Variants in PLPBP observed in about 807,000 individuals in gnomAD.
PLPBP encodes the protein pyridoxal phosphate homeostasis protein.
A neutral mutation model predicts 31.2 loss-of-function variants in PLPBP; 21 were observed. The observed-to-expected ratio is 0.67, with a 90% CI of 0.48 to 0.97. The LOEUF is 0.97. PLPBP is among the 50% of genes least tolerant of loss of function. The probability of loss-of-function intolerance (pLI) is 0.00; values close to 1 mark genes in which losing one functional copy is unlikely to be tolerated. For missense variants in PLPBP, 308 were observed against 354.4 expected, an observed-to-expected ratio of 0.87 and a Z score of 1.05; for synonymous variants, 124 against 135.6, an observed-to-expected ratio of 0.91 and a Z score of 0.59.
chr8:37,765,836 C>A (rs1803613022), intron 3 of PLPBP, 90 bp downstream of exon 3: 1 of 1,418,936 alleles, frequency 7.0e-7, no homozygotes, highest in Non-Finnish European at 9.7e-7. Context: ...AGTTGTACAG[C>A]AGTTTTAGGG....
intron 5 of PLPBP, 134 bp from the exon 6 acceptor site, chr8:37,775,205 T>A (rs1294372685): frequency 5.0e-6 from 5 of 994,596 alleles, no homozygotes; most frequent in Non-Finnish European, 7.4e-6. Context: ...AGTTACTCTT[T>A]AGGACTTGAG....
chr8:37,774,683 T>G (rs901859168), intron 5 of PLPBP, among the ~76,000 whole-genome samples: 2 of 152,234 alleles, frequency 1.3e-5, no homozygotes, highest in African/African-American at 4.8e-5. Flanking sequence ...AATAGAAATC[T>G]GAAATCAACT....
upstream of PLPBP, chr8:37,762,628 G>T: frequency 6.4e-7 from 1 of 1,550,412 alleles, no homozygotes; most frequent in East Asian, 2.4e-5. Flanking sequence ...CGGGCTGCCG[G>T]GGGCCTGGGG....
At chr8:37,769,195 G>T (rs1303793702) in intron 4 of PLPBP, among the ~76,000 whole-genome samples, 1 of 152,028 alleles carries the variant, frequency 6.6e-6, no homozygotes, top group Non-Finnish European at 1.5e-5. Flanking sequence ...AATTAGCTGG[G>T]CGTAGTGGTG....
intron 4 of PLPBP, among the ~76,000 whole-genome samples, chr8:37,772,045 C>T (rs772318207): frequency 4.6e-5 from 7 of 152,182 alleles, no homozygotes; most frequent in African/African-American, 7.2e-5. Context: ...GCAAACTGCC[C>T]ATCTGAAATA....
In PLPBP at chr8:37,765,560, T is replaced by A. The variant is rs778950580; in HGVS notation, c.134T>A (p.Val45Asp). ...GCCATCCAGCCCCGGCTAGTGGCGG[T>A]CAGCAAAACCAAACCTGCAGACATG... ...LPAIQPRLVA[V>D]SKTKPADMVI... Residue 45 changes from valine (V) to aspartate (D), a missense_variant, in exon 2 of 8, where the codon GTC becomes GAC. Val to Asp is a radical substitution (Grantham distance 152). Coordinates refer to ENST00000328195, the MANE Select transcript of PLPBP (RefSeq NM_007198.4). 1.9e-6 allele frequency: 3 copies of A among 1,613,814 alleles called. No homozygotes were observed. The East Asian group carries it at 6.7e-5, about 36-fold the overall frequency.
upstream of PLPBP, chr8:37,762,643 G>A: frequency 6.4e-7 from 1 of 1,562,344 alleles, no homozygotes; most frequent in Non-Finnish European, 8.6e-7. Context: ...CTGGGGCTCG[G>A]CGTCGGTCCC....
chr8:37,762,856 C>T (rs1803516416), intron 1 of PLPBP, 98 bp downstream of exon 1: 3 of 1,446,414 alleles, frequency 2.1e-6, no homozygotes, highest in Non-Finnish European at 9.2e-7. Flanking sequence ...AGGGGTCTCC[C>T]AGAGAGGCGG....
Position 37,772,747 on chromosome 8 carries a change from C to A in PLPBP, c.320-8C>A. 1 of 1,614,146 alleles carries A rather than the reference C, an allele frequency of 6.2e-7. No homozygotes were observed. The highest frequency in any genetic ancestry group is 1.1e-5 in the South Asian group (1 of 91,084). On this transcript the variant is annotated splice_polypyrimidine_tract_variant and splice_region_variant and intron_variant, in intron 4 of 7. Transcript: ENST00000328195. ...AAGGAATACTACTTTGCCTCTGTCT[C>A]ATTACAGCTGTCCCCAATCTCTTCA...
At chr8:37,768,460 A>ATTTTGTTTT (rs1803690161) in intron 4 of PLPBP, among the ~76,000 whole-genome samples, 1 of 101,142 alleles carries the variant, frequency 9.9e-6, no homozygotes, top group African/African-American at 3.7e-5. Flanking sequence ...TACAGTTTTG[A>ATTTTGTTTT]TTTTCTTTTT....
At chr8:37,762,886 G>A in intron 1 of PLPBP, 128 bp downstream of exon 1, 1 of 1,196,520 alleles carries the variant, frequency 8.4e-7, no homozygotes, top group South Asian at 1.5e-5. Context: ...GCCGCCTAGG[G>A]CCACCGAAAG....
Position 37,764,094 on chromosome 8 carries a change from GTTGTT to G in PLPBP, c.99+1358_99+1362del, listed in dbSNP as rs930157499. On this transcript the variant is annotated intron_variant, in intron 1 of 7. Transcript: ENST00000328195. ...TTCTTTTTTTTTTTTTTTTTGTTGT[GTTGTT>G]TTGTTTTGTTTTGTTTTGTTTGAGA... 9.3e-4 allele frequency among the ~76,000 whole-genome samples: 117 copies of G among 125,788 alleles called. No homozygotes were observed. In the East Asian group the frequency reaches 0.012, roughly 13 times the overall value. 82.5% of individuals were successfully genotyped at this position (125,788 alleles called of 152,430 possible).
At chr8:37,772,009 A>G (rs1327748819) in intron 4 of PLPBP, among the ~76,000 whole-genome samples, 1 of 152,264 alleles carries the variant, frequency 6.6e-6, no homozygotes, top group Non-Finnish European at 1.5e-5. Flanking sequence ...AAGTGAAGAG[A>G]CAACTCAGAA....
In PLPBP at chr8:37,778,058, G is replaced by A; in HGVS notation, c.782G>A (p.Cys261Tyr). The A allele has an allele frequency of 6.2e-7, 1 of 1,613,866 alleles. No individual in the cohort carries two copies. The highest frequency in any genetic ancestry group is 8.5e-7 in the Non-Finnish European group (1 of 1,179,796). ...DYSKKPTPDKCAADVKAPLEV... is the reference protein window; with the variant it reads ...DYSKKPTPDKYAADVKAPLEV... Reference sequence around the variant, plus strand: ...TCAAAGAAACCCACCCCGGACAAGTGCGCAGCAGACGTGAAGGCCCCGCTG... The same window carrying A: ...TCAAAGAAACCCACCCCGGACAAGTACGCAGCAGACGTGAAGGCCCCGCTG... The change falls in exon 8 of 8, where the codon TGC becomes TAC. Residue 261 changes from cysteine (C) to tyrosine (Y), a missense_variant. This residue lies in a region of PLPBP where 188 missense variants were observed against 259.3 expected (regional missense o/e 0.73). Coordinates refer to ENST00000328195, the MANE Select transcript of PLPBP (RefSeq NM_007198.4).
intron 4 of PLPBP, 40 bp downstream of exon 4, chr8:37,766,395 A>G (rs1285074420): frequency 6.4e-7 from 1 of 1,567,590 alleles, no homozygotes; most frequent in Non-Finnish European, 8.7e-7. Flanking sequence ...TTGTTCTGTC[A>G]TTGTATTGCT....
intron 4 of PLPBP, 154 bp downstream of exon 4, chr8:37,766,509 A>C (rs1371487232): frequency 1.5e-6 from 2 of 1,303,690 alleles, no homozygotes; most frequent in African/African-American, 3.1e-5. Context: ...ATAAAAAGAG[A>C]AAACATCATG....
In PLPBP at chr8:37,765,617, C is replaced by G; in HGVS notation, c.191C>G (p.Thr64Ser). Residue 64 changes from threonine (T) to serine (S), a missense_variant, in exon 2 of 8, where the codon ACT (threonine) becomes AGT (serine). By Grantham distance (58) the Thr-to-Ser change is moderately conservative. Around this residue, in one of 2 missense-constraint regions of PLPBP, gnomAD observed 120 missense variants for 95.1 expected, o/e 1.26. Coordinates refer to ENST00000328195, the MANE Select transcript of PLPBP (RefSeq NM_007198.4). ...VIEAYGHGQR[T>S]FGENYVQELL... ...GAGGCCTATGGACATGGGCAGCGCACTTTTGGCGAGAACTACGTAAGAGCC... is the reference window on the plus strand; with the variant it reads ...GAGGCCTATGGACATGGGCAGCGCAGTTTTGGCGAGAACTACGTAAGAGCC... 2.5e-6 allele frequency: 4 copies of G among 1,614,224 alleles called. No individual in the cohort carries two copies. Among genetic ancestry groups the G allele is most frequent in the East Asian group, 2.2e-5 (1 of 44,892 alleles).
intron 4 of PLPBP, among the ~76,000 whole-genome samples, chr8:37,769,116 C>T (rs909710424): frequency 6.6e-6 from 1 of 152,088 alleles, no homozygotes; most frequent in Non-Finnish European, 1.5e-5. Context: ...AGGTGGATCA[C>T]TTGAGCCCAA....
Position 37,762,673 on chromosome 8 carries a change from G to A in PLPBP, c.14G>A (p.Gly5Asp). 6.3e-7 allele frequency: 1 copy of A among 1,585,486 alleles called. No individual in the cohort carries two copies. Among genetic ancestry groups the A allele is most frequent in the Non-Finnish European group, 8.6e-7 (1 of 1,169,568 alleles). ...GGTCCCCGGGGGATGTGGAGAGCTG[G>A]CAGCATGTCGGCCGAGCTGGGAGTC... MWRAGSMSAELGVGC... is the reference protein window; with the variant it reads MWRADSMSAELGVGC... Residue 5 changes from glycine (G) to aspartate (D), a missense_variant, in exon 1 of 8, where the codon GGC becomes GAC. Physicochemically the swap from Gly to Asp is moderately conservative, Grantham distance 94. Around this residue, in one of 2 missense-constraint regions of PLPBP, gnomAD observed 120 missense variants for 95.1 expected, o/e 1.26. Coordinates refer to ENST00000328195, the MANE Select transcript of PLPBP (RefSeq NM_007198.4).
Sources: gnomAD v4.1 joint callset for allele counts (sites outside exome capture counted in the v4.1 genomes callset) on GRCh38, gnomAD v4.1.1 for gene constraint, gnomAD v4.1.1 regional missense constraint, MANE v1.5 for transcripts, NCBI Gene and HGNC (gene_info 2026-07-23, HGNC 2026-07-21) for gene names.